Variants in PTPN14 observed in about 807,000 individuals in gnomAD.
PTPN14 encodes tyrosine-protein phosphatase non-receptor type 14.
In PTPN14, 53 loss-of-function variants were observed where a neutral mutation model predicts 126.8. That is an observed-to-expected ratio of 0.42 (90% CI 0.34 to 0.53). The LOEUF (loss-of-function observed/expected upper bound fraction) is 0.53, where lower values mean the gene tolerates loss of function less well. Ranked by LOEUF, PTPN14 falls within the 20% of genes least tolerant of loss-of-function variation. PTPN14 has a pLI of 0.08. For missense variants in PTPN14, 1,257 were observed against 1,552.9 expected, an observed-to-expected ratio of 0.81 and a Z score of 3.20; for synonymous variants, 630 against 599.3, an observed-to-expected ratio of 1.05 and a Z score of -0.75.
rs1393446977 is a variant in PTPN14, at chr1:214,356,459, A to C, written c.*1463T>G. 6.6e-6 allele frequency: 1 copy of C among 152,216 alleles called. No individual in the cohort carries two copies. Among genetic ancestry groups the C allele is most frequent in the Non-Finnish European group, 1.5e-5 (1 of 68,052 alleles). The allele number at this position is 152,216 out of a possible 1,614,324, so 9.4% of individuals were successfully genotyped here. On this transcript the variant is annotated 3_prime_UTR_variant, in exon 19 of 19. Coordinates refer to ENST00000366956, the MANE Select transcript of PTPN14 (RefSeq NM_005401.5). ...CAAAGCTGTACTCAAGAAAAGGTAG[A>C]CATAGAATGATAAATCCCCCAAAAT... is the stretch of plus-strand genomic sequence containing the variant.
At chr1:214,391,077 T>C in intron 10 of PTPN14, 32 bp from the exon 11 acceptor site, 1 of 1,494,146 alleles carries the variant, frequency 6.7e-7, no homozygotes, top group Non-Finnish European at 9.2e-7. Context: ...TGAGAATGGT[T>C]ATTATTATTG....
At chr1:214,449,583 A>T (rs1198536261) in intron 3 of PTPN14, among the ~76,000 whole-genome samples, 1 of 152,222 alleles carries the variant, frequency 6.6e-6, no homozygotes, top group Non-Finnish European at 1.5e-5. Flanking sequence ...TGTTCCTAGC[A>T]CCGTGTAAAG....
chr1:214,456,072 TA>T (rs1304965525), intron 2 of PTPN14, among the ~76,000 whole-genome samples: 3 of 151,920 alleles, frequency 2.0e-5, no homozygotes, highest in East Asian at 1.9e-4. Flanking sequence ...AAAAGGGAAA[TA>T]TTTTTTGAGG....
intron 4 of PTPN14, among the ~76,000 whole-genome samples, chr1:214,412,157 C>A (rs994668609): frequency 7.2e-5 from 11 of 152,192 alleles, no homozygotes; most frequent in Middle Eastern, 3.2e-3. Flanking sequence ...ATATATGCAG[C>A]TGGAAATTCC....
intron 2 of PTPN14, among the ~76,000 whole-genome samples, chr1:214,452,537 G>A (rs927826972): frequency 1.3e-5 from 2 of 152,020 alleles, no homozygotes; most frequent in African/African-American, 2.4e-5. Flanking sequence ...TATTATACAC[G>A]AACTGCAGCA....
chr1:214,496,665 A>G (rs760664495), intron 1 of PTPN14, among the ~76,000 whole-genome samples: 13 of 152,200 alleles, frequency 8.5e-5, no homozygotes, highest in Admixed American at 3.3e-4. Flanking sequence ...TCCCTAAGGG[A>G]CCAGAGAACA....
chr1:214,369,596 A>C lies in PTPN14; in HGVS notation c.3132T>G (p.Phe1044Leu), dbSNP rs1165252547. 6.2e-7 allele frequency: 1 copy of C among 1,614,216 alleles called. No homozygotes were observed. The highest frequency in any genetic ancestry group is 1.7e-5 in the Admixed American group (1 of 60,028). The change falls in exon 17 of 19, where the codon TTT becomes TTG. Residue 1044 changes from phenylalanine (F) to leucine (L), a missense_variant. This residue lies in a region of PTPN14 where 171 missense variants were observed against 229.8 expected (regional missense o/e 0.74). Transcript: ENST00000366956. ...TTGCATAGCAAACAGAATCCGTTCG[A>C]AACTTCGTGGTGACCTTGAACTTGC... ...TYGKFKVTTK[F>L]RTDSVCYATT...
At chr1:214,373,830 G>T (rs1658278568) in intron 15 of PTPN14, among the ~76,000 whole-genome samples, 2 of 152,288 alleles carry the variant, frequency 1.3e-5, no homozygotes, top group South Asian at 2.1e-4. Flanking sequence ...CGGCAGAGAT[G>T]CTACGAATGC....
chr1:214,361,870 T>C (rs1170787300), intron 18 of PTPN14, among the ~76,000 whole-genome samples: 1 of 152,214 alleles, frequency 6.6e-6, no homozygotes, highest in Non-Finnish European at 1.5e-5. Context: ...ACTGCACAGC[T>C]ACCAACCTCA....
At chr1:214,520,782 A>G (rs1388978235) in intron 1 of PTPN14, among the ~76,000 whole-genome samples, 1 of 152,134 alleles carries the variant, frequency 6.6e-6, no homozygotes, top group Non-Finnish European at 1.5e-5. Context: ...CTTGTAAATA[A>G]ATACAAAACA....
chr1:214,362,771 G>C (rs1657986177), intron 18 of PTPN14, among the ~76,000 whole-genome samples: 1 of 152,208 alleles, frequency 6.6e-6, no homozygotes, highest in African/African-American at 2.4e-5. Flanking sequence ...AGGAGACCGA[G>C]GTGGAAGGAC....
chr1:214,536,472 C>G (rs145779337), intron 1 of PTPN14, among the ~76,000 whole-genome samples: 4,643 of 152,042 alleles, frequency 0.031, 108 homozygotes, highest in Non-Finnish European at 0.048. Flanking sequence ...TGTAAAGATA[C>G]TACAAATATT....
intron 1 of PTPN14, chr1:214,532,619 A>G (rs1655582285): frequency 2.2e-6 from 2 of 913,748 alleles, no homozygotes; most frequent in Non-Finnish European, 3.7e-6. Flanking sequence ...AATACTGTGG[A>G]CAATGCCTGC....
Position 214,363,703 on chromosome 1 carries a change from T to C in PTPN14, c.3435+809A>G, listed in dbSNP as rs116624506. The stretch of plus-strand genomic sequence containing the variant: ...GGCCTCAGTTTCCTCTTCTGTGAAA[T>C]AGGAAGAGTGACATGTTCATGGCTC... On this transcript the variant is annotated intron_variant, in intron 18 of 18. Coordinates refer to ENST00000366956, the MANE Select transcript of PTPN14 (RefSeq NM_005401.5). 8.2e-3 allele frequency among the ~76,000 whole-genome samples: 1,254 copies of C among 152,266 alleles called. 18 individuals carry two copies. The highest frequency in any genetic ancestry group is 0.028 in the African/African-American group (1,176 of 41,548).
At chr1:214,366,619 T>C (rs1658086178) in intron 17 of PTPN14, among the ~76,000 whole-genome samples, 1 of 152,170 alleles carries the variant, frequency 6.6e-6, no homozygotes, top group Non-Finnish European at 1.5e-5. Flanking sequence ...TTTTAAAACC[T>C]AGGAGAAACA....
In PTPN14 at chr1:214,451,949, A is replaced by G; in HGVS notation, c.200T>C (p.Leu67Pro). Residue 67 changes from leucine to proline, a missense_variant, in exon 3 of 19, where the codon CTC becomes CCC. Physicochemically the swap from Leu to Pro is moderately conservative, Grantham distance 98. This residue lies in a region of PTPN14 where 1,021 missense variants were observed against 1,183.3 expected (regional missense o/e 0.86). Transcript: ENST00000366956. ...RETHYFGLWF[L>P]SKSQQARWVE... ...CCATCGTGCTTGCTGGCTCTTGCTG[A>G]GAAACCAAAGGCCAAAGTAGTGCGT... 1 of 1,614,106 alleles carries G rather than the reference A, an allele frequency of 6.2e-7. No individual in the cohort carries two copies. The highest frequency in any genetic ancestry group is 1.3e-5 in the African/African-American group (1 of 75,046).
rs1491278063 is a variant in PTPN14, at chr1:214,350,706, A to ATTTTTTTTTTTTTTTTTTTTT, written c.*7215_*7216insAAAAAAAAAAAAAAAAAAAAA. On this transcript the variant is annotated 3_prime_UTR_variant, in exon 19 of 19. Coordinates refer to ENST00000366956, the MANE Select transcript of PTPN14 (RefSeq NM_005401.5). ...CAGGCATGTGCCACCATGCCTGGCTAATTTTTTTTTTTTTTTTTTTTTTTG... is the reference window on the plus strand; with the variant it reads ...CAGGCATGTGCCACCATGCCTGGCTATTTTTTTTTTTTTTTTTTTTTATTTTTTTTTTTTTTTTTTTTTTTG... The ATTTTTTTTTTTTTTTTTTTTT allele has an allele frequency of 1.4e-4, 7 of 49,424 alleles. 2 individuals are homozygous for ATTTTTTTTTTTTTTTTTTTTT. The highest frequency in any genetic ancestry group is 1.4e-4 in the Non-Finnish European group (4 of 28,812). 3.1% of individuals were successfully genotyped at this position (49,424 alleles called of 1,614,324 possible).
chr1:214,521,652 T>C (rs1317878065), intron 1 of PTPN14, among the ~76,000 whole-genome samples: 1 of 151,600 alleles, frequency 6.6e-6, no homozygotes, highest in Admixed American at 6.6e-5. Context: ...GAGGCGGAGG[T>C]TGCAGTGAGC....
At chr1:214,536,591 C>T (rs1337150887) in intron 1 of PTPN14, among the ~76,000 whole-genome samples, 1 of 151,850 alleles carries the variant, frequency 6.6e-6, no homozygotes, top group Non-Finnish European at 1.5e-5. Flanking sequence ...TCGAGACCAG[C>T]TTGCGTAACC....
Sources: gnomAD v4.1 joint callset for allele counts (sites outside exome capture counted in the v4.1 genomes callset) on GRCh38, gnomAD v4.1.1 for gene constraint, gnomAD v4.1.1 regional missense constraint, MANE v1.5 for transcripts, NCBI Gene and HGNC (gene_info 2026-07-23, HGNC 2026-07-21) for gene names.